PLAAT1: variants seen among roughly 807,000 people sequenced by gnomAD.
PLAAT1 encodes phospholipase A and acyltransferase 1.
A neutral mutation model predicts 16.4 loss-of-function variants in PLAAT1; 13 were observed. The ratio of observed to expected loss-of-function variants is 0.79; its 90% CI spans 0.52 to 1.26. The LOEUF is 1.26. Ranked by LOEUF, PLAAT1 falls within the 50% of genes most tolerant of loss-of-function variation. PLAAT1 has a pLI of 0.00. For synonymous variants in PLAAT1, 73 were observed against 78.4 expected (o/e 0.93, Z 0.36); for missense variants, 218 against 207.8 (o/e 1.05, Z -0.30).
chr3:193,272,257 C>A (rs1405704171), downstream of PLAAT1, among the ~76,000 whole-genome samples: 2 of 152,064 alleles, frequency 1.3e-5, no homozygotes, highest in Non-Finnish European at 2.9e-5. Flanking sequence ...TCCTGGTTAA[C>A]ATGGTGAAAC....
downstream of PLAAT1, among the ~76,000 whole-genome samples, chr3:193,278,644 G>A (rs905372467): frequency 6.6e-6 from 1 of 152,112 alleles, no homozygotes; most frequent in Non-Finnish European, 1.5e-5. Flanking sequence ...TTGAACCCAG[G>A]TCAAGTTGCA....
chr3:193,255,915 TAA>T, intron 2 of PLAAT1, 126 bp downstream of exon 2: 1 of 856,506 alleles, frequency 1.2e-6, no homozygotes. Flanking sequence ...TAAATCCAAC[TAA>T]TCTAGGTTTA....
At chr3:193,256,899 A>G (rs1276790068) in intron 2 of PLAAT1, among the ~76,000 whole-genome samples, 10 of 152,238 alleles carry the variant, frequency 6.6e-5, no homozygotes, top group Admixed American at 6.5e-4. Flanking sequence ...ATTTAGCCAT[A>G]TGATATTAGT....
At chr3:193,258,874 A>G (rs1716481151) in intron 2 of PLAAT1, among the ~76,000 whole-genome samples, 1 of 152,130 alleles carries the variant, frequency 6.6e-6, no homozygotes, top group Non-Finnish European at 1.5e-5. Context: ...CAAAAACCCC[A>G]GGAGGAGGGG....
intron 1 of PLAAT1, among the ~76,000 whole-genome samples, chr3:193,247,627 T>C (rs1265515546): frequency 2.0e-5 from 3 of 152,120 alleles, no homozygotes; most frequent in East Asian, 3.8e-4. Context: ...TGCATCAATA[T>C]CAGTTTCCTC....
At chr3:193,242,562 G>A (rs1464221942) in intron 1 of PLAAT1, among the ~76,000 whole-genome samples, 1 of 152,292 alleles carries the variant, frequency 6.6e-6, no homozygotes, top group East Asian at 1.9e-4. Flanking sequence ...AGAATGTAGA[G>A]ATTAATAAGG....
At chr3:193,253,840 A>G (rs1342820044) in intron 1 of PLAAT1, among the ~76,000 whole-genome samples, 1 of 152,134 alleles carries the variant, frequency 6.6e-6, no homozygotes, top group Admixed American at 6.5e-5. Context: ...ACACACTCAA[A>G]TAGTTGCATG....
At position 193,270,799 on chromosome 3, in the gene PLAAT1, C is replaced by T; in HGVS notation, c.*94C>T. On this transcript the variant is annotated 3_prime_UTR_variant, in exon 4 of 4. Coordinates refer to ENST00000264735, the MANE Select transcript of PLAAT1 (RefSeq NM_020386.5). Reference sequence around the variant, plus strand: ...TATTTTCAGTGCATCATTACTGTTCCAGATTCCTATGATGGATGGCAGACT... The same window carrying T: ...TATTTTCAGTGCATCATTACTGTTCTAGATTCCTATGATGGATGGCAGACT... The T allele has an allele frequency of 1.4e-6, 2 of 1,469,846 alleles. No individual in the cohort carries two copies. The highest frequency in any genetic ancestry group is 1.8e-6 in the Non-Finnish European group (2 of 1,107,084). The allele number at this position is 1,469,846 out of a possible 1,614,324, so 91.1% of individuals were successfully genotyped here.
At chr3:193,259,029 C>T (rs12634050) in intron 2 of PLAAT1, among the ~76,000 whole-genome samples, 21,751 of 152,072 alleles carry the variant, frequency 0.14, 1,979 homozygotes, top group East Asian at 0.2. Context: ...CCAAATTTGG[C>T]GCACATCAAA....
At chr3:193,267,998 C>G (rs1285140898) in intron 3 of PLAAT1, among the ~76,000 whole-genome samples, 1 of 152,148 alleles carries the variant, frequency 6.6e-6, no homozygotes, top group Non-Finnish European at 1.5e-5. Context: ...GATGATGTAT[C>G]TCTTGATGAC....
At chr3:193,246,245 G>A (rs1715978807) in intron 1 of PLAAT1, among the ~76,000 whole-genome samples, 1 of 152,074 alleles carries the variant, frequency 6.6e-6, no homozygotes, top group Admixed American at 6.6e-5. Flanking sequence ...CCTATTTTTT[G>A]AGAGTTTTGT....
chr3:193,276,637 T>C (rs1717215806), intron 2 of PLAAT1: 7 of 723,338 alleles, frequency 9.7e-6, no homozygotes, highest in South Asian at 9.7e-5. Flanking sequence ...AATAAACCCT[T>C]AATAACTGTC....
chr3:193,275,219 C>T (rs368507651), downstream of PLAAT1: 29 of 1,614,036 alleles, frequency 1.8e-5, no homozygotes, highest in Non-Finnish European at 2.5e-5. Flanking sequence ...GCTTCTTTTG[C>T]CAAGTCCTAT....
At chr3:193,249,269 T>C (rs1421556552) in intron 1 of PLAAT1, among the ~76,000 whole-genome samples, 1 of 152,170 alleles carries the variant, frequency 6.6e-6, no homozygotes, top group Non-Finnish European at 1.5e-5. Context: ...TTGATTATAA[T>C]GTATCTTGAT....
intron 2 of PLAAT1, among the ~76,000 whole-genome samples, chr3:193,262,547 C>G (rs1260695226): frequency 6.6e-6 from 1 of 151,896 alleles, no homozygotes; most frequent in Non-Finnish European, 1.5e-5. Flanking sequence ...AACAGTGTAC[C>G]CTACAGTATT....
chr3:193,241,973 C>T (rs1715772583), intron 1 of PLAAT1, among the ~76,000 whole-genome samples: 1 of 152,148 alleles, frequency 6.6e-6, no homozygotes, highest in South Asian at 2.1e-4. Context: ...GTTACTTGTG[C>T]GAGGCACTCT....
At chr3:193,275,349 C>T, downstream of PLAAT1, 2 of 1,595,318 alleles carry the variant, frequency 1.3e-6, no homozygotes, top group Middle Eastern at 1.7e-4. Flanking sequence ...GCAGGTCCCC[C>T]TGCAGCCAGG....
At position 193,241,362 on chromosome 3, in the gene PLAAT1, G is replaced by A. The variant is rs1251613210; in HGVS notation, c.-172G>A. Reference sequence around the variant, plus strand: ...GGCGCTGGTGCTGGCGTTGGCCCTGGAGGACGGCCCCGAGTGATGGCTGGC... The same window carrying A: ...GGCGCTGGTGCTGGCGTTGGCCCTGAAGGACGGCCCCGAGTGATGGCTGGC... On this transcript the variant is annotated 5_prime_UTR_variant, in exon 1 of 4. Transcript: ENST00000264735. 1.6e-6 allele frequency: 2 copies of A among 1,231,542 alleles called. No homozygotes were observed. The highest frequency in any genetic ancestry group is 4.2e-5 in the Admixed American group (1 of 23,700). The allele number at this position is 1,231,542 out of a possible 1,614,324, so 76.3% of individuals were successfully genotyped here.
intron 2 of PLAAT1, among the ~76,000 whole-genome samples, chr3:193,260,460 A>G (rs1395045590): frequency 6.6e-6 from 1 of 152,170 alleles, no homozygotes; most frequent in Non-Finnish European, 1.5e-5. Flanking sequence ...CATCTGACAA[A>G]AGTCTAGTGC....
Sources: gnomAD v4.1 joint callset for allele counts (sites outside exome capture counted in the v4.1 genomes callset) on GRCh38, gnomAD v4.1.1 for gene constraint, MANE v1.5 for transcripts, NCBI Gene and HGNC (gene_info 2026-07-23, HGNC 2026-07-21) for gene names.